The following SPOCK3 variants were observed in gnomAD, a reference collection of about 807,000 sequenced individuals.
The protein encoded by SPOCK3 is testican-3.
In SPOCK3, 30 loss-of-function variants were observed where a neutral mutation model predicts 56.6. The observed-to-expected ratio is 0.53, with a 90% CI of 0.40 to 0.72. The LOEUF (loss-of-function observed/expected upper bound fraction) is 0.72, where lower values mean the gene tolerates loss of function less well. Among genes scored for constraint, SPOCK3 ranks in the 30% least tolerant of loss-of-function variants. SPOCK3 has a pLI of 0.00. For synonymous variants in SPOCK3, 196 were observed against 183.3 expected (o/e 1.07, Z -0.56); for missense variants, 527 against 530.0 (o/e 0.99, Z 0.06).
At chr4:167,124,644 T>A (rs1406729003) in intron 2 of SPOCK3, among the ~76,000 whole-genome samples, 1 of 146,320 alleles carries the variant, frequency 6.8e-6, no homozygotes. Context: ...AAGTTTGCCT[T>A]ATCTTTTTTT....
chr4:166,742,879 C>T (rs139011589), intron 8 of SPOCK3, among the ~76,000 whole-genome samples: 1 of 152,182 alleles, frequency 6.6e-6, no homozygotes, highest in Admixed American at 6.6e-5. Context: ...TGTTGCCCTT[C>T]ATATCTGTGA....
At chr4:166,901,129 C>G (rs567240566) in intron 5 of SPOCK3, among the ~76,000 whole-genome samples, 3 of 152,142 alleles carry the variant, frequency 2.0e-5, no homozygotes, top group African/African-American at 7.2e-5. Flanking sequence ...ACCTCCCATG[C>G]AAATCACCTG....
intron 4 of SPOCK3, among the ~76,000 whole-genome samples, chr4:166,980,640 T>C (rs1343131282): frequency 6.6e-6 from 1 of 152,206 alleles, no homozygotes; most frequent in Non-Finnish European, 1.5e-5. Context: ...TGTGCACAGC[T>C]AGGCAGACCA....
intron 2 of SPOCK3, among the ~76,000 whole-genome samples, chr4:167,078,463 A>G (rs992324321): frequency 7.3e-5 from 11 of 151,502 alleles, no homozygotes; most frequent in Non-Finnish European, 1.3e-4. Context: ...AGGCAAACTC[A>G]TAATCAGAGT....
chr4:167,127,681 G>C (rs1762392334), intron 2 of SPOCK3, among the ~76,000 whole-genome samples: 1 of 152,112 alleles, frequency 6.6e-6, no homozygotes, highest in Admixed American at 6.5e-5. Context: ...ACTCACCTCG[G>C]CCTCCGAAAG....
At chr4:166,895,884 G>A (rs528272637) in intron 5 of SPOCK3, among the ~76,000 whole-genome samples, 40 of 152,172 alleles carry the variant, frequency 2.6e-4, no homozygotes, top group Non-Finnish European at 5.6e-4. Flanking sequence ...TGTTTCCTCT[G>A]TGTAAAGTCT....
intron 5 of SPOCK3, among the ~76,000 whole-genome samples, chr4:166,907,479 G>T (rs1046685023): frequency 3.3e-5 from 5 of 152,120 alleles, no homozygotes; most frequent in African/African-American, 1.2e-4. Context: ...TTCTTTGCAA[G>T]TGTCTTTTAG....
In SPOCK3 at chr4:167,156,563, G is replaced by T. The variant is rs114076542; in HGVS notation, c.189+77422C>A. Reference sequence around the variant, plus strand: ...GCTACTCCATGGACAAAAACTACAAGACATAAATGAGTTTTCTTTTAATTA... The same window carrying T: ...GCTACTCCATGGACAAAAACTACAATACATAAATGAGTTTTCTTTTAATTA... On this transcript the variant is annotated intron_variant, in intron 2 of 10. Coordinates refer to ENST00000357545, the MANE Select transcript of SPOCK3 (RefSeq NM_001040159.2). Among the ~76,000 whole-genome samples, 1,449 of 152,192 alleles carry T rather than the reference G, an allele frequency of 9.5e-3. 16 individuals carry two copies. The highest frequency in any genetic ancestry group is 0.013 in the Non-Finnish European group (911 of 67,994).
At chr4:167,177,973 A>G (rs1458185135) in intron 2 of SPOCK3, among the ~76,000 whole-genome samples, 7 of 152,130 alleles carry the variant, frequency 4.6e-5, no homozygotes, top group African/African-American at 1.7e-4. Context: ...TGAATTATCT[A>G]TAGAGAAGCA....
chr4:167,061,635 T>C (rs1755618435), intron 3 of SPOCK3, among the ~76,000 whole-genome samples: 1 of 151,922 alleles, frequency 6.6e-6, no homozygotes, highest in Non-Finnish European at 1.5e-5. Context: ...TGAGCTCCTT[T>C]AAATAACATA....
At chr4:166,801,984 A>AT (rs1742651817) in intron 6 of SPOCK3, among the ~76,000 whole-genome samples, 1 of 152,146 alleles carries the variant, frequency 6.6e-6, no homozygotes, top group Admixed American at 6.5e-5. Context: ...TTTAAAGTAA[A>AT]TGTCAGCTTC....
At chr4:167,176,804 C>T (rs1013576070) in intron 2 of SPOCK3, among the ~76,000 whole-genome samples, 7 of 152,100 alleles carry the variant, frequency 4.6e-5, no homozygotes, top group African/African-American at 1.2e-4. Context: ...AAGAACTGCT[C>T]CATATGGAGA....
intron 2 of SPOCK3, among the ~76,000 whole-genome samples, chr4:167,146,111 G>A (rs917373507): frequency 7.9e-5 from 12 of 152,066 alleles, no homozygotes; most frequent in African/African-American, 2.7e-4. Context: ...AAGGGATGGA[G>A]GAATATTTAC....
At chr4:167,210,938 A>G (rs904960550) in intron 2 of SPOCK3, among the ~76,000 whole-genome samples, 8 of 152,212 alleles carry the variant, frequency 5.3e-5, no homozygotes, top group African/African-American at 1.9e-4. Context: ...TAGATCCTGC[A>G]TATTTTGGAA....
rs141795035 is a variant in SPOCK3 at position 166,743,329 on chromosome 4, G to T, written c.932-1270C>A. ...TGTTTTTAAAATTTTATAATACATT[G>T]AATTCAAAATATTCAATTATGAAAT... On this transcript the variant is annotated intron_variant, in intron 8 of 10. Transcript: ENST00000357545. 2.1e-3 allele frequency among the ~76,000 whole-genome samples: 316 copies of T among 152,118 alleles called. 3 individuals carry two copies. Among genetic ancestry groups the T allele is most frequent in the African/African-American group, 7.3e-3 (302 of 41,506 alleles).
intron 2 of SPOCK3, among the ~76,000 whole-genome samples, chr4:167,209,776 C>A (rs1257728256): frequency 6.6e-6 from 1 of 151,912 alleles, no homozygotes; most frequent in Non-Finnish European, 1.5e-5. Flanking sequence ...CAGACAGTTA[C>A]AATATACAAA....
At chr4:166,975,594 T>A (rs2150082057) in intron 4 of SPOCK3, among the ~76,000 whole-genome samples, 1 of 152,294 alleles carries the variant, frequency 6.6e-6, no homozygotes, top group South Asian at 2.1e-4. Flanking sequence ...TATTTAGATT[T>A]TATATATTCT....
At chr4:167,186,891 C>T (rs1349910585) in intron 2 of SPOCK3, among the ~76,000 whole-genome samples, 4 of 149,304 alleles carry the variant, frequency 2.7e-5, no homozygotes, top group Admixed American at 6.7e-5. Flanking sequence ...GCAGGAGAAT[C>T]GCTGGAACCC....
chr4:167,158,665 T>G (rs1473306105), intron 2 of SPOCK3, among the ~76,000 whole-genome samples: 1 of 151,978 alleles, frequency 6.6e-6, no homozygotes, highest in African/African-American at 2.4e-5. Flanking sequence ...ATTATTACAG[T>G]TTTCACATAG....
Sources: gnomAD v4.1 joint callset for allele counts (sites outside exome capture counted in the v4.1 genomes callset) on GRCh38, gnomAD v4.1.1 for gene constraint, MANE v1.5 for transcripts, NCBI Gene and HGNC (gene_info 2026-07-23, HGNC 2026-07-21) for gene names.